Variants in CDK17 observed in about 807,000 individuals in gnomAD.
CDK17 encodes cyclin-dependent kinase 17.
CDK17 carries 24 observed loss-of-function variants against 77.6 expected under a neutral mutation model. The ratio of observed to expected loss-of-function variants is 0.31; its 90% confidence interval spans 0.22 to 0.44. The LOEUF (loss-of-function observed/expected upper bound fraction) is 0.44, where lower values mean the gene tolerates loss of function less well. Among genes scored for constraint, CDK17 ranks in the 20% least tolerant of loss-of-function variants. CDK17 has a pLI of 1.00. For missense variants in CDK17, 429 were observed against 622.5 expected, an observed-to-expected ratio of 0.69 and a Z score of 3.31; for synonymous variants, 203 against 210.4, an observed-to-expected ratio of 0.96 and a Z score of 0.30.
intron 13 of CDK17, 73 bp from the exon 14 acceptor site, chr12:96,283,718 CTAAG>C (rs1952208135): frequency 2.0e-6 from 2 of 989,928 alleles, no homozygotes; most frequent in Admixed American, 4.1e-5. Context: ...AAACTATTTT[CTAAG>C]TGTTTTAATC....
At chr12:96,314,363 GTTTTA>G (rs71907418) in intron 3 of CDK17, among the ~76,000 whole-genome samples, 7,854 of 151,880 alleles carry the variant, frequency 0.052, 261 homozygotes, top group Non-Finnish European at 0.064. Flanking sequence ...GTTTTGTTTT[GTTTTA>G]TTTTATTTTA....
At chr12:96,356,366 G>GC (rs1953393851) in intron 1 of CDK17, among the ~76,000 whole-genome samples, 1 of 152,152 alleles carries the variant, frequency 6.6e-6, no homozygotes, top group Non-Finnish European at 1.5e-5. Context: ...CGGGATCATG[G>GC]CTCACTGAAG....
At chr12:96,372,940 T>C (rs1953717093) in intron 1 of CDK17, among the ~76,000 whole-genome samples, 2 of 152,334 alleles carry the variant, frequency 1.3e-5, no homozygotes, top group African/African-American at 4.8e-5. Context: ...GAATTTTCCA[T>C]TAGGTGAATT....
chr12:96,387,925 A>G (rs572050887), intron 1 of CDK17, among the ~76,000 whole-genome samples: 5 of 152,304 alleles, frequency 3.3e-5, no homozygotes, highest in Non-Finnish European at 5.9e-5. Flanking sequence ...CCTGGGCAAC[A>G]GAGTAAGACC....
At chr12:96,359,667 T>A (rs192923919) in intron 1 of CDK17, among the ~76,000 whole-genome samples, 13 of 152,304 alleles carry the variant, frequency 8.5e-5, no homozygotes, top group Admixed American at 8.5e-4. Context: ...ATTTTGGCAT[T>A]TGGAGACAAA....
intron 1 of CDK17, among the ~76,000 whole-genome samples, chr12:96,349,065 T>C (rs985056240): frequency 2.0e-5 from 3 of 152,212 alleles, no homozygotes; most frequent in African/African-American, 7.2e-5. Context: ...TACTAACAAA[T>C]TGAATTCGGC....
intron 1 of CDK17, among the ~76,000 whole-genome samples, chr12:96,378,694 A>G (rs1233060504): frequency 6.6e-6 from 1 of 152,274 alleles, no homozygotes; most frequent in Admixed American, 6.5e-5. Flanking sequence ...TGGCATTGTA[A>G]CAGCAAAAAA....
At position 96,324,167 on chromosome 12, in the gene CDK17, A is replaced by G; in HGVS notation, c.119-55T>C. ...CATCATCAGTCCAAGATCCAGGATC[A>G]CATGAGAAGGATTCAGAAAGCAAAA... On this transcript the variant is annotated intron_variant, in intron 2 of 16. Coordinates refer to ENST00000261211, the MANE Select transcript of CDK17 (RefSeq NM_002595.5). 3.6e-6 allele frequency: 5 copies of G among 1,403,594 alleles called. No individual in the cohort carries two copies. The South Asian group carries it at 8.3e-5, about 23-fold the overall frequency. 86.9% of individuals were successfully genotyped at this position (1,403,594 alleles called of 1,614,324 possible).
chr12:96,359,259 C>A (rs1953458372), intron 1 of CDK17, among the ~76,000 whole-genome samples: 1 of 152,170 alleles, frequency 6.6e-6, no homozygotes, highest in Non-Finnish European at 1.5e-5. Context: ...GGGAGAACAA[C>A]TGTTTTTATC....
At position 96,400,298 on chromosome 12, in the gene CDK17, C is replaced by G. The variant is rs2137261463; in HGVS notation, c.-342G>C. 3 of 390,092 alleles carry G rather than the reference C, an allele frequency of 7.7e-6. No homozygotes were observed. The highest frequency in any genetic ancestry group is 2.6e-4 in the South Asian group (2 of 7,736). The allele number at this position is 390,092 out of a possible 1,614,324, so 24.2% of individuals were successfully genotyped here. Reference sequence around the variant, plus strand: ...AGCCGGGCGCGAGCGCGGCGGGCGCCGACGGCGGGCTGAGACTGTCTGGCC... The same window carrying G: ...AGCCGGGCGCGAGCGCGGCGGGCGCGGACGGCGGGCTGAGACTGTCTGGCC... On this transcript the variant is annotated 5_prime_UTR_variant, in exon 1 of 17. Transcript: ENST00000261211.
intron 11 of CDK17, among the ~76,000 whole-genome samples, chr12:96,287,315 A>T (rs1005723016): frequency 6.6e-6 from 1 of 152,200 alleles, no homozygotes; most frequent in Non-Finnish European, 1.5e-5. Flanking sequence ...ATGGTGGTTC[A>T]GAGAATAGAA....
In CDK17 at chr12:96,282,522, A is replaced by G. The variant is rs1440967018; in HGVS notation, c.1443T>C (p.His481=). 6 of 1,603,788 alleles carry G rather than the reference A, an allele frequency of 3.7e-6. No homozygotes were observed. In the South Asian group the frequency reaches 5.5e-5, roughly 15 times the overall value. Residue 481 remains histidine, a synonymous_variant, in exon 15 of 17, where the codon CAT becomes CAC. Transcript: ENST00000261211. ...GATTTCTCTTACTTTCTGGTAAAGC[A>G]TGTATTCTTGGTCCCAGACTTCGAA... ...VYFRSLGPRI[H]ALPESVSIFS...
At chr12:96,335,083 G>A (rs565590484) in intron 1 of CDK17, 36 of 601,456 alleles carry the variant, frequency 6.0e-5, no homozygotes, top group Admixed American at 3.0e-4. Context: ...GGAATTCCAT[G>A]TAACTAAAGA....
In CDK17 at chr12:96,316,580, T is replaced by G. The variant is rs537465969; in HGVS notation, c.284-3126A>C. Among the ~76,000 whole-genome samples, 392 of 145,742 alleles carry G rather than the reference T, an allele frequency of 2.7e-3. 1 individual carries two copies. The highest frequency in any genetic ancestry group is 4.6e-3 in the Non-Finnish European group (302 of 66,344). On this transcript the variant is annotated intron_variant, in intron 3 of 16. Transcript: ENST00000261211. ...TGTCTGACAGCTTTGAAGAGAGCAG[T>G]GGTTCTCCCAGCACGCAGCTGGAGA...
At chr12:96,396,444 T>C (rs1036275177) in intron 1 of CDK17, among the ~76,000 whole-genome samples, 38 of 152,350 alleles carry the variant, frequency 2.5e-4, no homozygotes, top group African/African-American at 9.1e-4. Flanking sequence ...TGAACTACAC[T>C]AGGTTCGCTA....
chr12:96,341,312 T>TATAC (rs1358140198), intron 1 of CDK17, among the ~76,000 whole-genome samples: 1 of 77,470 alleles, frequency 1.3e-5, no homozygotes, highest in Non-Finnish European at 2.7e-5. Context: ...GCACTTATCA[T>TATAC]ATACATACAC....
chr12:96,314,110 G>A (rs866391862), intron 3 of CDK17, among the ~76,000 whole-genome samples: 1 of 152,146 alleles, frequency 6.6e-6, no homozygotes, highest in Non-Finnish European at 1.5e-5. Flanking sequence ...TACAAAAAAG[G>A]TGGGTTATGG....
chr12:96,343,383 A>C (rs1953152541), intron 1 of CDK17, among the ~76,000 whole-genome samples: 1 of 152,218 alleles, frequency 6.6e-6, no homozygotes, highest in Admixed American at 6.5e-5. Context: ...GGAGCGACTT[A>C]TTAGTGCCAT....
At chr12:96,374,773 T>G (rs1048142923) in intron 1 of CDK17, among the ~76,000 whole-genome samples, 1 of 152,138 alleles carries the variant, frequency 6.6e-6, no homozygotes, top group South Asian at 2.1e-4. Context: ...TTCAAGCAAG[T>G]GAGGTCATGA....
Sources: gnomAD v4.1 joint callset for allele counts (sites outside exome capture counted in the v4.1 genomes callset) on GRCh38, gnomAD v4.1.1 for gene constraint, MANE v1.5 for transcripts, NCBI Gene and HGNC (gene_info 2026-07-23, HGNC 2026-07-21) for gene names.